Variants in CASP4 observed in about 807,000 individuals in gnomAD.
CASP4 encodes caspase-4.
Under a neutral mutation model 41.3 loss-of-function variants are expected in CASP4, and 29 were observed. That is an observed-to-expected ratio of 0.70 (90% CI 0.52 to 0.96). The LOEUF is 0.96. Ranked by LOEUF, CASP4 falls within the 40% of genes least tolerant of loss-of-function variation. The pLI is 0.00. For missense variants in CASP4, 447 were observed against 460.6 expected (o/e 0.97, Z 0.27); for synonymous variants, 185 against 158.4 (o/e 1.17, Z -1.26).
At chr11:104,960,038 C>T (rs1363510039) in intron 1 of CASP4, among the ~76,000 whole-genome samples, 1 of 152,178 alleles carries the variant, frequency 6.6e-6, no homozygotes, top group African/African-American at 2.4e-5. Context: ...TAGGCCTTCT[C>T]ATTCACTCAT....
chr11:104,962,858 C>A (rs1231457651), intron 1 of CASP4, among the ~76,000 whole-genome samples: 5 of 152,204 alleles, frequency 3.3e-5, no homozygotes, highest in Admixed American at 2.6e-4. Context: ...CAATTTCCTT[C>A]TGGTTTGCTA....
At chr11:104,960,618 C>A (rs1326701814) in intron 1 of CASP4, among the ~76,000 whole-genome samples, 1 of 152,070 alleles carries the variant, frequency 6.6e-6, no homozygotes, top group African/African-American at 2.4e-5. Context: ...TACAGGTGCA[C>A]ACAACCACGC....
rs541193710 is a variant in CASP4, at chr11:104,944,774, G to GA, written c.1112dup (p.Tyr372LeufsTer?). 765 of 1,611,780 alleles carry GA rather than the reference G, an allele frequency of 4.7e-4. 4 individuals are homozygous for GA. In the Admixed American group the frequency reaches 0.01, roughly 22 times the overall value. ...ATTTTCAATTGCCAGGAAAGAGGTAGAAATATCTTGTCATGGACAGTCGTT... is the reference window on the plus strand; with the variant it reads ...ATTTTCAATTGCCAGGAAAGAGGTAGAAAATATCTTGTCATGGACAGTCGTT... On this transcript the variant is annotated frameshift_variant, in exon 8 of 9. Transcript: ENST00000444739. LOFTEE classifies it low-confidence loss of function (END_TRUNC).
At chr11:104,966,277 G>A (rs1860973395) in intron 1 of CASP4, among the ~76,000 whole-genome samples, 1 of 151,922 alleles carries the variant, frequency 6.6e-6, no homozygotes, top group African/African-American at 2.4e-5. Context: ...TTGCATGTTG[G>A]ATATTTCAAC....
chr11:104,964,193 T>C (rs1295618041), intron 1 of CASP4, among the ~76,000 whole-genome samples: 1 of 152,200 alleles, frequency 6.6e-6, no homozygotes, highest in Non-Finnish European at 1.5e-5. Context: ...TTGGTCGTTT[T>C]CAAAAGGCAG....
intron 1 of CASP4, among the ~76,000 whole-genome samples, chr11:104,962,528 T>C (rs1019103641): frequency 2.0e-5 from 3 of 152,194 alleles, no homozygotes; most frequent in African/African-American, 7.2e-5. Context: ...TTAGGACCCC[T>C]ATAAGCCTGC....
chr11:104,956,677 G>A (rs753295379), intron 1 of CASP4: 18 of 983,828 alleles, frequency 1.8e-5, no homozygotes, highest in African/African-American at 1.7e-5. Context: ...CATTCCAACA[G>A]GTGAGATCAC....
intron 1 of CASP4, among the ~76,000 whole-genome samples, chr11:104,960,543 C>T (rs2134654592): frequency 6.6e-6 from 1 of 152,218 alleles, no homozygotes; most frequent in African/African-American, 2.4e-5. Flanking sequence ...TATCTTGGCT[C>T]ACTGCAATCT....
chr11:104,964,189 G>A (rs59769457), intron 1 of CASP4, among the ~76,000 whole-genome samples: 35 of 152,050 alleles, frequency 2.3e-4, no homozygotes, highest in African/African-American at 7.5e-4. Flanking sequence ...TGCTTTGGTC[G>A]TTTTCAAAAG....
At chr11:104,966,069 C>T (rs1396895744) in intron 1 of CASP4, among the ~76,000 whole-genome samples, 1 of 152,108 alleles carries the variant, frequency 6.6e-6, no homozygotes, top group African/African-American at 2.4e-5. Flanking sequence ...TCTGAATGCT[C>T]GGGGAGACTG....
intron 7 of CASP4, 42 bp from the exon 8 acceptor site, chr11:104,944,893 C>G: frequency 7.6e-7 from 1 of 1,315,192 alleles, no homozygotes; most frequent in Non-Finnish European, 1.1e-6. Context: ...CGACTCTTTT[C>G]AAGTCTCAGA....
chr11:104,946,828 C>A, intron 7 of CASP4: 1 of 241,474 alleles, frequency 4.1e-6, no homozygotes, highest in South Asian at 1.2e-4. Flanking sequence ...AATATTTTTC[C>A]TTCTCTAAAA....
chr11:104,946,857 A>G (rs971606048), intron 7 of CASP4: 3 of 329,872 alleles, frequency 9.1e-6, no homozygotes, highest in African/African-American at 6.4e-5. Context: ...CTTACGCTCC[A>G]TAACATAAAG....
intron 5 of CASP4, 196 bp downstream of exon 5, chr11:104,949,347 G>A: frequency 1.6e-6 from 1 of 618,610 alleles, no homozygotes; most frequent in East Asian, 2.8e-5. Context: ...GGATAAAATT[G>A]AACAGAAATT....
intron 1 of CASP4, among the ~76,000 whole-genome samples, chr11:104,968,217 G>A (rs1391477860): frequency 6.6e-6 from 1 of 152,178 alleles, no homozygotes; most frequent in African/African-American, 2.4e-5. Context: ...AGTGCATTTC[G>A]AAACTTCTAG....
intron 1 of CASP4, among the ~76,000 whole-genome samples, chr11:104,958,054 C>A (rs1463309797): frequency 6.6e-6 from 1 of 152,092 alleles, no homozygotes; most frequent in East Asian, 1.9e-4. Context: ...AGAACAAATT[C>A]TTCAATAAAT....
At chr11:104,955,722 G>C (rs370102731) in intron 1 of CASP4, among the ~76,000 whole-genome samples, 1 of 151,986 alleles carries the variant, frequency 6.6e-6, no homozygotes, top group Non-Finnish European at 1.5e-5. Context: ...ACTCCTTAGA[G>C]TAATTTGAAT....
intron 2 of CASP4, 147 bp downstream of exon 2, chr11:104,954,600 G>T: frequency 2.7e-6 from 2 of 747,476 alleles, no homozygotes; most frequent in Non-Finnish European, 4.4e-6. Flanking sequence ...AAAGGGAAGT[G>T]GTCTCTAAAA....
intron 4 of CASP4, 108 bp from the exon 5 acceptor site, chr11:104,949,885 G>A: frequency 9.8e-7 from 1 of 1,024,938 alleles, no homozygotes; most frequent in Non-Finnish European, 1.5e-6. Context: ...CCAGGTCGTG[G>A]TGCTTCACTT....
Sources: gnomAD v4.1 joint callset for allele counts (sites outside exome capture counted in the v4.1 genomes callset) on GRCh38, gnomAD v4.1.1 for gene constraint, MANE v1.5 for transcripts, NCBI Gene and HGNC (gene_info 2026-07-23, HGNC 2026-07-21) for gene names.